The following SYN3 variants were observed in gnomAD, a reference collection of about 807,000 sequenced individuals.
SYN3 encodes synapsin III, also known as synapsin-3.
SYN3 carries 35 observed loss-of-function variants against 65.8 expected under a neutral mutation model. The observed-to-expected ratio is 0.53, with a 90% CI of 0.41 to 0.70. The LOEUF (loss-of-function observed/expected upper bound fraction) is 0.70, where lower values mean the gene tolerates loss of function less well. Ranked by LOEUF, SYN3 falls within the 30% of genes least tolerant of loss-of-function variation. SYN3 has a pLI of 0.00. For synonymous variants in SYN3, 270 were observed against 292.9 expected (o/e 0.92, Z 0.80); for missense variants, 680 against 749.0 (o/e 0.91, Z 1.08).
rs375040725 is a variant in SYN3, at chr22:32,528,886, G to C, written c.1218C>G (p.Pro406=). 4.4e-5 allele frequency: 71 copies of C among 1,614,022 alleles called. No individual in the cohort carries two copies. In the African/African-American group the frequency reaches 4.5e-4, roughly 10 times the overall value. ...GTGAGGGTCTTACCCAAGGTCTGAG[G>C]GGGGAGGGCGCTGTGCCTCCTGGCA... The part of the protein sequence containing the change: ...LPMPGGTAPS[P]LRPWAPQIKS... Residue 406 remains proline (P), a synonymous_variant, in exon 11 of 14, where the codon CCC becomes CCG. Transcript: ENST00000358763.
intron 6 of SYN3, chr22:32,857,105 T>C (rs193292719): frequency 1.3e-5 from 9 of 716,852 alleles, no homozygotes; most frequent in African/African-American, 1.2e-4. Flanking sequence ...ATTGTGAATA[T>C]TGCTGCAGTC....
chr22:33,012,978 A>C (rs1158287907), intron 1 of SYN3, among the ~76,000 whole-genome samples: 3 of 152,186 alleles, frequency 2.0e-5, no homozygotes, highest in Non-Finnish European at 4.4e-5. Flanking sequence ...AAAGTTTATC[A>C]TTATCATCTG....
intron 1 of SYN3, among the ~76,000 whole-genome samples, chr22:33,008,408 T>A (rs1317305201): frequency 1.3e-5 from 2 of 152,226 alleles, no homozygotes; most frequent in Non-Finnish European, 2.9e-5. Flanking sequence ...AACAGGCAAA[T>A]ACTCTTCTGA....
chr22:33,043,638 C>G (rs545794276), intron 1 of SYN3, among the ~76,000 whole-genome samples: 47 of 152,188 alleles, frequency 3.1e-4, no homozygotes, highest in Non-Finnish European at 5.4e-4. Flanking sequence ...TTTCTTAGCT[C>G]TGTTACATTG....
chr22:32,862,213 T>C (rs981148012), intron 6 of SYN3: 14 of 152,242 alleles, frequency 9.2e-5, no homozygotes, highest in Admixed American at 4.6e-4. Context: ...ATGATTTTCC[T>C]AAGAATCCAG....
At chr22:32,619,442 C>G (rs2059565503) in intron 6 of SYN3, among the ~76,000 whole-genome samples, 1 of 152,128 alleles carries the variant, frequency 6.6e-6, no homozygotes, top group Admixed American at 6.5e-5. Context: ...CAGTGGAGGT[C>G]ACTGGGTCAG....
intron 6 of SYN3, among the ~76,000 whole-genome samples, chr22:32,685,764 C>T (rs2060580792): frequency 6.6e-6 from 1 of 152,232 alleles, no homozygotes; most frequent in Non-Finnish European, 1.5e-5. Context: ...TACTGTATAA[C>T]ATTCGCCTTG....
intron 7 of SYN3, among the ~76,000 whole-genome samples, chr22:32,565,381 G>T (rs2058658662): frequency 6.6e-6 from 1 of 151,922 alleles, no homozygotes. Flanking sequence ...ATTAAAAAAA[G>T]TAAAAAGAAA....
At chr22:32,965,871 T>C (rs551264019) in intron 3 of SYN3, among the ~76,000 whole-genome samples, 1 of 152,214 alleles carries the variant, frequency 6.6e-6, no homozygotes, top group African/African-American at 2.4e-5. Context: ...ATTTTTTGTA[T>C]TTTTAGTAGA....
At chr22:32,957,037 C>T (rs1030478759) in intron 3 of SYN3, among the ~76,000 whole-genome samples, 1 of 152,126 alleles carries the variant, frequency 6.6e-6, no homozygotes, top group Non-Finnish European at 1.5e-5. Flanking sequence ...AAGGTCAGGG[C>T]AGGCTAATCA....
rs1022480229 is a variant in SYN3, at chr22:33,015,269, A to C, written c.-162-8445T>G. ...TACTGTATCTTGGACGAGACTATCC[A>C]AAAGGAGCAGACTATTTTAAACGGC... is the stretch of plus-strand genomic sequence containing the variant. On this transcript the variant is annotated intron_variant, in intron 1 of 13. Coordinates refer to ENST00000358763, the MANE Select transcript of SYN3 (RefSeq NM_003490.4). 2.3e-5 allele frequency: 12 copies of C among 522,962 alleles called. No individual in the cohort carries two copies. In the East Asian group the frequency reaches 2.6e-4, roughly 12 times the overall value. The allele number at this position is 522,962 out of a possible 1,614,324, so 32.4% of individuals were successfully genotyped here.
rs759527669 is a variant in SYN3 at position 32,533,935 on chromosome 22, A to G, written c.993-40T>C. On this transcript the variant is annotated intron_variant, in intron 9 of 13. Coordinates refer to ENST00000358763, the MANE Select transcript of SYN3 (RefSeq NM_003490.4). ...GGACAGACAGTGAAGTGGCCTGGGA[A>G]AGTGGGGAAGCGGGTAGAGGGAGAG... 2.1e-6 allele frequency: 3 copies of G among 1,451,294 alleles called. No individual in the cohort carries two copies. In the Admixed American group the frequency reaches 5.2e-5, roughly 25 times the overall value. 89.9% of individuals were successfully genotyped at this position (1,451,294 alleles called of 1,614,324 possible). A position where few individuals can be genotyped will look rare whatever the true frequency, so the allele number is the denominator to read the frequency against.
chr22:32,816,918 A>G (rs74626257), intron 6 of SYN3, among the ~76,000 whole-genome samples: 1,820 of 152,294 alleles, frequency 0.012, 40 homozygotes, highest in African/African-American at 0.041. Flanking sequence ...TGCACCACCA[A>G]TCTTAAGAAA....
At chr22:32,853,846 AG>A (rs1248197149) in intron 6 of SYN3, among the ~76,000 whole-genome samples, 2 of 152,230 alleles carry the variant, frequency 1.3e-5, no homozygotes, top group Admixed American at 1.3e-4. Context: ...CCCATTTTAC[AG>A]ATGAAGAAAC....
At chr22:32,549,470 C>T (rs1204644528) in intron 7 of SYN3, among the ~76,000 whole-genome samples, 1 of 152,030 alleles carries the variant, frequency 6.6e-6, no homozygotes, top group Non-Finnish European at 1.5e-5. Context: ...CCAGGCTGGT[C>T]TTAAACTGCT....
chr22:32,584,650 A>G (rs2058997525), intron 7 of SYN3, among the ~76,000 whole-genome samples: 1 of 152,200 alleles, frequency 6.6e-6, no homozygotes, highest in Non-Finnish European at 1.5e-5. Flanking sequence ...ATTTCTTCCA[A>G]ATGAGTCTGT....
intron 6 of SYN3, among the ~76,000 whole-genome samples, chr22:32,780,518 A>G (rs1291675907): frequency 6.6e-6 from 1 of 152,090 alleles, no homozygotes; most frequent in Non-Finnish European, 1.5e-5. Flanking sequence ...GACCCTGGAA[A>G]TTTCTGCCCC....
chr22:32,781,005 TTC>T (rs2046044886), intron 6 of SYN3, among the ~76,000 whole-genome samples: 1 of 93,884 alleles, frequency 1.1e-5, no homozygotes, highest in African/African-American at 4.4e-5. Flanking sequence ...TCTCACCCCC[TTC>T]TTTCTTTCTT....
At chr22:32,994,086 C>G (rs2052805940) in intron 2 of SYN3, among the ~76,000 whole-genome samples, 1 of 152,164 alleles carries the variant, frequency 6.6e-6, no homozygotes, top group African/African-American at 2.4e-5. Context: ...CTGGATTGGA[C>G]AGCGTGTAGA....
Sources: allele counts gnomAD v4.1 joint callset (sites outside exome capture counted in the v4.1 genomes callset), GRCh38; gene constraint gnomAD v4.1.1; transcripts MANE v1.5; gene names NCBI Gene and HGNC (gene_info 2026-07-23, HGNC 2026-07-21).